The following RALGAPA2 variants were observed in gnomAD, a reference collection of about 807,000 sequenced individuals.
RALGAPA2 encodes Ral GTPase activating protein catalytic subunit alpha 2, also known as ral GTPase-activating protein subunit alpha-2.
RALGAPA2 carries 139 observed loss-of-function variants against 230.4 expected under a neutral mutation model. The ratio of observed to expected loss-of-function variants is 0.60; its 90% CI spans 0.53 to 0.69. The LOEUF is 0.69. Ranked by LOEUF, RALGAPA2 falls within the 30% of genes least tolerant of loss-of-function variation. RALGAPA2 has a pLI of 0.00. For missense variants in RALGAPA2, 2,163 were observed against 2,276.0 expected, an observed-to-expected ratio of 0.95 and a Z score of 1.01; for synonymous variants, 847 against 837.8, an observed-to-expected ratio of 1.01 and a Z score of -0.19.
chr20:20,395,233 C>T (rs1006042982), intron 39 of RALGAPA2, among the ~76,000 whole-genome samples: 3 of 152,258 alleles, frequency 2.0e-5, no homozygotes, highest in East Asian at 1.9e-4. Context: ...GTGCCCTACA[C>T]AGGCCTCTGG....
At position 20,647,526 on chromosome 20, in the gene RALGAPA2, T is replaced by C. The variant is rs145354487; in HGVS notation, c.329-3977A>G. ...ACTATAGAACTGCTATATGAAAACA[T>C]AAAAGATCTTTGTGACTTTGGGTTA... On this transcript the variant is annotated intron_variant, in intron 4 of 39. Transcript: ENST00000202677. Among the ~76,000 whole-genome samples the C allele has an allele frequency of 8.5e-5, 13 of 152,314 alleles. No individual in the cohort carries two copies. The East Asian group carries it at 2.5e-3, about 29-fold the overall frequency.
intron 7 of RALGAPA2, 127 bp downstream of exon 7, chr20:20,639,658 T>C (rs913464218): frequency 8.9e-6 from 6 of 674,996 alleles, no homozygotes; most frequent in Admixed American, 5.7e-5. Context: ...TGCTGAAATA[T>C]CACATAAAAT....
chr20:20,565,750 T>C (rs1875717021), intron 23 of RALGAPA2, among the ~76,000 whole-genome samples: 1 of 152,192 alleles, frequency 6.6e-6, no homozygotes, highest in South Asian at 2.1e-4. Context: ...TGGCTAAAAT[T>C]TTAAAAATAC....
At chr20:20,412,933 T>C (rs1185403843) in intron 37 of RALGAPA2, among the ~76,000 whole-genome samples, 1 of 152,208 alleles carries the variant, frequency 6.6e-6, no homozygotes, top group African/African-American at 2.4e-5. Flanking sequence ...TCCCCTTTTG[T>C]GTGTGGCTTC....
rs143425388 is a variant in RALGAPA2 at position 20,538,252 on chromosome 20, C to T, written c.3286-1468G>A. Among the ~76,000 whole-genome samples, 1,112 of 152,272 alleles carry T rather than the reference C, an allele frequency of 7.3e-3. 11 individuals carry two copies. The highest frequency in any genetic ancestry group is 0.026 in the African/African-American group (1,066 of 41,548). ...CAATATAAAGCACAGCAGAGCTATT[C>T]CATGGGATGAGGCAAGGATTGGTTC... is the stretch of plus-strand genomic sequence containing the variant. On this transcript the variant is annotated intron_variant, in intron 24 of 39. Transcript: ENST00000202677.
chr20:20,596,063 G>C (rs915261415), intron 16 of RALGAPA2, among the ~76,000 whole-genome samples: 1 of 152,120 alleles, frequency 6.6e-6, no homozygotes, highest in Non-Finnish European at 1.5e-5. Context: ...AAAAGTGCCA[G>C]TCCTACCTCC....
intron 1 of RALGAPA2, among the ~76,000 whole-genome samples, chr20:20,689,636 G>A (rs993512952): frequency 3.3e-5 from 5 of 152,164 alleles, no homozygotes; most frequent in African/African-American, 7.2e-5. Flanking sequence ...GCGAGACTCC[G>A]TCTCAAAAAG....
Position 20,478,663 on chromosome 20 carries a change from T to C in RALGAPA2, c.5368-5707A>G, listed in dbSNP as rs565472914. Among the ~76,000 whole-genome samples, 48 of 151,792 alleles carry C rather than the reference T, an allele frequency of 3.2e-4. No homozygotes were observed. In the South Asian group the frequency reaches 8.7e-3, roughly 28 times the overall value. On this transcript the variant is annotated intron_variant, in intron 36 of 39. Coordinates refer to ENST00000202677, the MANE Select transcript of RALGAPA2 (RefSeq NM_020343.4). ...GACATAAAGATAACAACAAAAATTG[T>C]ATAAAAAGATGGCAACAACAGAAAC...
chr20:20,611,714 G>C (rs1034786548), intron 13 of RALGAPA2, among the ~76,000 whole-genome samples: 1 of 152,130 alleles, frequency 6.6e-6, no homozygotes, highest in Non-Finnish European at 1.5e-5. Context: ...AGGCAAGATC[G>C]TCTTCTCCAA....
chr20:20,551,650 T>A (rs1423324841), intron 23 of RALGAPA2, among the ~76,000 whole-genome samples: 3 of 152,210 alleles, frequency 2.0e-5, no homozygotes, highest in Non-Finnish European at 2.9e-5. Context: ...ACAAACCATA[T>A]TCAGCCTGGT....
At chr20:20,519,590 TA>T (rs1205659579) in intron 31 of RALGAPA2, among the ~76,000 whole-genome samples, 1 of 152,216 alleles carries the variant, frequency 6.6e-6, no homozygotes, top group Non-Finnish European at 1.5e-5. Flanking sequence ...TTGGGAAATA[TA>T]ACAGCTCCTG....
At chr20:20,474,126 AG>A (rs1318358336) in intron 36 of RALGAPA2, among the ~76,000 whole-genome samples, 3 of 152,214 alleles carry the variant, frequency 2.0e-5, no homozygotes, top group Non-Finnish European at 4.4e-5. Flanking sequence ...TCTAATGGCC[AG>A]GGTGGGCTTT....
intron 39 of RALGAPA2, among the ~76,000 whole-genome samples, chr20:20,394,597 C>T (rs555518942): frequency 4.6e-5 from 7 of 150,630 alleles, no homozygotes; most frequent in East Asian, 2.0e-4. Flanking sequence ...CTTCACTGCA[C>T]TCCAGCTTAG....
intron 17 of RALGAPA2, 28 bp from the exon 18 acceptor site, chr20:20,589,393 G>A (rs776077702): frequency 2.0e-5 from 31 of 1,544,714 alleles, no homozygotes; most frequent in South Asian, 3.6e-5. Flanking sequence ...GGGGGGTAGC[G>A]GAAATAGAAG....
intron 30 of RALGAPA2, among the ~76,000 whole-genome samples, chr20:20,522,509 C>T (rs1602639027): frequency 6.6e-6 from 1 of 152,286 alleles, no homozygotes; most frequent in East Asian, 1.9e-4. Context: ...GGCAAAACTA[C>T]TCTGCTCTGT....
Position 20,639,768 on chromosome 20 carries a change from C to A in RALGAPA2, c.666+17G>T. 1.3e-6 allele frequency: 2 copies of A among 1,522,246 alleles called. No individual in the cohort carries two copies. Among genetic ancestry groups the A allele is most frequent in the South Asian group, 2.2e-5 (2 of 88,950 alleles). 94.3% of individuals were successfully genotyped at this position (1,522,246 alleles called of 1,614,324 possible). A position where few individuals can be genotyped will look rare whatever the true frequency, so the allele number is the denominator to read the frequency against. ...AGAATAAACCCATCACTGAAATAGTCATAATTTTTCTCTGACCTGAATAAC... is the reference window on the plus strand; with the variant it reads ...AGAATAAACCCATCACTGAAATAGTAATAATTTTTCTCTGACCTGAATAAC... On this transcript the variant is annotated intron_variant, in intron 7 of 39. Transcript: ENST00000202677.
intron 34 of RALGAPA2, chr20:20,505,052 C>A (rs951338806): frequency 1.8e-5 from 18 of 985,168 alleles, no homozygotes; most frequent in Middle Eastern, 5.2e-4. Context: ...TTTCACCCAT[C>A]AAGTCATTGA....
At chr20:20,544,019 G>T (rs1286241077) in intron 24 of RALGAPA2, among the ~76,000 whole-genome samples, 2 of 152,002 alleles carry the variant, frequency 1.3e-5, no homozygotes, top group Non-Finnish European at 1.5e-5. Flanking sequence ...GAAGACTTAT[G>T]TGGCCAACAA....
chr20:20,709,652 T>C lies in RALGAPA2; in HGVS notation c.106+2723A>G, dbSNP rs570651899. 6.3e-4 allele frequency among the ~76,000 whole-genome samples: 96 copies of C among 152,322 alleles called. 2 individuals carry two copies. Among genetic ancestry groups the C allele is most frequent in the Non-Finnish European group, 4.3e-4 (29 of 68,036 alleles). The stretch of plus-strand genomic sequence containing the variant: ...ACCGTCTGCTACATGGCTTGATACG[T>C]GTCAAGCCTGCCTGTGCCTCAGCTT... On this transcript the variant is annotated intron_variant, in intron 1 of 39. Transcript: ENST00000202677.
Sources: gnomAD v4.1 joint callset for allele counts (sites outside exome capture counted in the v4.1 genomes callset) on GRCh38, gnomAD v4.1.1 for gene constraint, MANE v1.5 for transcripts, NCBI Gene and HGNC (gene_info 2026-07-23, HGNC 2026-07-21) for gene names.